Variants in FBXO6 observed in about 807,000 individuals in gnomAD.
The protein encoded by FBXO6 is F-box only protein 6.
Under a neutral mutation model 25.0 loss-of-function variants are expected in FBXO6, and 13 were observed. The ratio of observed to expected loss-of-function variants is 0.52; its 90% CI spans 0.34 to 0.83. FBXO6 has a LOEUF of 0.83. FBXO6 is among the 40% of genes least tolerant of loss of function. The pLI, the probability that FBXO6 is intolerant of heterozygous loss-of-function variation, is 0.02. For missense variants in FBXO6, 370 were observed against 380.2 expected (o/e 0.97, Z 0.22); for synonymous variants, 138 against 155.3 (o/e 0.89, Z 0.83).
Position 11,673,241 on chromosome 1 carries a change from G to A in FBXO6, c.510-36G>A. On this transcript the variant is annotated intron_variant, in intron 4 of 5. Coordinates refer to ENST00000376753, the MANE Select transcript of FBXO6 (RefSeq NM_018438.6). This position sits in a 1 kb window ranked among gnomAD's most constrained non-coding sequence, Gnocchi z 4.3. ...CCCCCACCCCTGGGGCCAGCCCTCG[G>A]TGGCTTGGACACAGGGCTCTCAACC... 6.3e-7 allele frequency: 1 copy of A among 1,590,340 alleles called. No homozygotes were observed. Among genetic ancestry groups the A allele is most frequent in the East Asian group, 2.2e-5 (1 of 44,568 alleles).
In FBXO6 at chr1:11,671,965, G is replaced by A. The variant is rs1287366202; in HGVS notation, c.451G>A (p.Glu151Lys). ...LKSQLVDLVA[E>K]GYWEELLDTF... ...GTCCCAGCTGGTGGACCTTGTAGCCGAGGGCTACTGGGAGGAGCTACTAGA... is the reference window on the plus strand; with the variant it reads ...GTCCCAGCTGGTGGACCTTGTAGCCAAGGGCTACTGGGAGGAGCTACTAGA... The change falls in exon 4 of 6, where the codon GAG (glutamate) becomes AAG (lysine). Residue 151 changes from glutamate to lysine, a missense_variant. Transcript: ENST00000376753. 25 of 1,614,178 alleles carry A rather than the reference G, an allele frequency of 1.5e-5. No individual in the cohort carries two copies. The highest frequency in any genetic ancestry group is 4.0e-5 in the African/African-American group (3 of 75,066).
intron 2 of FBXO6, among the ~76,000 whole-genome samples, chr1:11,670,309 G>T (rs988064027): frequency 1.3e-5 from 2 of 151,844 alleles, no homozygotes; most frequent in East Asian, 1.9e-4. Flanking sequence ...TGTGAAGAGG[G>T]TGATTGCTCC....
intron 2 of FBXO6, among the ~76,000 whole-genome samples, chr1:11,670,914 T>A (rs1199691454): frequency 6.6e-6 from 1 of 152,148 alleles, no homozygotes; most frequent in Non-Finnish European, 1.5e-5. Context: ...AGCTGCGTGT[T>A]AGGAGTGAGG....
chr1:11,671,151 C>G (rs938377877), intron 2 of FBXO6, 115 bp from the exon 3 acceptor site: 3 of 1,349,050 alleles, frequency 2.2e-6, no homozygotes, highest in African/African-American at 2.9e-5. Flanking sequence ...AGTCCTGCCT[C>G]CCAAGAAGGT....
intron 4 of FBXO6, 59 bp downstream of exon 4, chr1:11,672,082 A>C: frequency 6.8e-7 from 1 of 1,464,860 alleles, no homozygotes; most frequent in Non-Finnish European, 9.5e-7. Context: ...ACTGCGCTGC[A>C]TGTACGTGAG....
chr1:11,671,887 G>C (rs1447243415), intron 3 of FBXO6, 41 bp from the exon 4 acceptor site: 1 of 1,528,920 alleles, frequency 6.5e-7, no homozygotes, highest in Non-Finnish European at 9.1e-7. Flanking sequence ...GGGCCATGCA[G>C]AGCACACCCA....
At chr1:11,670,484 C>A (rs892777460) in intron 2 of FBXO6, among the ~76,000 whole-genome samples, 1 of 152,134 alleles carries the variant, frequency 6.6e-6, no homozygotes, top group African/African-American at 2.4e-5. Flanking sequence ...AACCCACAAA[C>A]CCATCCTCTA....
At chr1:11,667,826 C>T (rs1640485191) in intron 1 of FBXO6, among the ~76,000 whole-genome samples, 1 of 152,188 alleles carries the variant, frequency 6.6e-6, no homozygotes, top group African/African-American at 2.4e-5. Context: ...GGTACGGTGG[C>T]TCACGCCTGT....
chr1:11,668,269 TA>T (rs1196503989), intron 1 of FBXO6, among the ~76,000 whole-genome samples: 2 of 152,146 alleles, frequency 1.3e-5, no homozygotes, highest in African/African-American at 2.4e-5. Context: ...AGGGGCCTTT[TA>T]AAAAATGTGT....
In FBXO6 at chr1:11,673,952, G is replaced by C. The variant is rs1000360701; in HGVS notation, c.*101G>C. On this transcript the variant is annotated 3_prime_UTR_variant, in exon 6 of 6. Coordinates refer to ENST00000376753, the MANE Select transcript of FBXO6 (RefSeq NM_018438.6). The surrounding 1 kb of genome is among the most constrained non-coding windows in gnomAD (Gnocchi z 4.3). ...CCCTGTACCAGCGACTCCTGCCCCG[G>C]TTCAACCCTACCAGCTTGTGGTAAC... The C allele has an allele frequency of 1.1e-5, 11 of 978,468 alleles. No homozygotes were observed. The African/African-American group carries it at 1.8e-4, about 16-fold the overall frequency. The allele number at this position is 978,468 out of a possible 1,614,324, so 60.6% of individuals were successfully genotyped here.
Position 11,673,189 on chromosome 1 carries a change from C to T in FBXO6, c.510-88C>T, listed in dbSNP as rs900296543. The T allele has an allele frequency of 2.3e-5, 33 of 1,462,976 alleles. No homozygotes were observed. The highest frequency in any genetic ancestry group is 5.7e-5 in the African/African-American group (4 of 70,788). 90.6% of individuals were successfully genotyped at this position (1,462,976 alleles called of 1,614,324 possible). ...TGTCAGCTGATGGGAGATGAAGCTC[C>T]GAGCTCCAATGTATAGGTCCCACCT... On this transcript the variant is annotated intron_variant, in intron 4 of 5. Transcript: ENST00000376753. The surrounding 1 kb of genome is among the most constrained non-coding windows in gnomAD (Gnocchi z 4.3).
chr1:11,671,233 AG>A, intron 2 of FBXO6, 32 bp from the exon 3 acceptor site: 3 of 1,606,048 alleles, frequency 1.9e-6, no homozygotes, highest in Non-Finnish European at 2.6e-6. Flanking sequence ...GGATTTACAC[AG>A]GGGGTCTCAC....
chr1:11,673,609 C>T lies in FBXO6; in HGVS notation c.646-6C>T, dbSNP rs1167664718. The T allele has an allele frequency of 1.2e-6, 2 of 1,611,964 alleles. No homozygotes were observed. Among genetic ancestry groups the T allele is most frequent in the South Asian group, 2.2e-5 (2 of 91,040 alleles). On this transcript the variant is annotated splice_polypyrimidine_tract_variant and splice_region_variant and intron_variant, in intron 5 of 5. Transcript: ENST00000376753. This position sits in a 1 kb window ranked among gnomAD's most constrained non-coding sequence, Gnocchi z 4.3. ...GTGGTCACTTCCTCTCCCTTCCTCC[C>T]AACAGGTCTCCTACACCTTCTCAGA...
intron 1 of FBXO6, among the ~76,000 whole-genome samples, chr1:11,665,204 C>G (rs1640379807): frequency 7.2e-6 from 1 of 139,174 alleles, no homozygotes; most frequent in Admixed American, 7.4e-5. Context: ...GCCACCAGGC[C>G]TAGCTAATTT....
At chr1:11,672,222 C>T (rs539707287) in intron 4 of FBXO6, among the ~76,000 whole-genome samples, 199 bp downstream of exon 4, 29 of 152,354 alleles carry the variant, frequency 1.9e-4, no homozygotes, top group African/African-American at 7.0e-4. Context: ...ACGTAGTCAA[C>T]AGGACACAGT....
At position 11,671,879 on chromosome 1, in the gene FBXO6, GC is replaced by G. The variant is rs951083919; in HGVS notation, c.414-47del. 6 of 1,423,738 alleles carry G rather than the reference GC, an allele frequency of 4.2e-6. No homozygotes were observed. The African/African-American group carries it at 7.5e-5, about 18-fold the overall frequency. The allele number at this position is 1,423,738 out of a possible 1,614,324, so 88.2% of individuals were successfully genotyped here. A position where few individuals can be genotyped will look rare whatever the true frequency, so the allele number is the denominator to read the frequency against. On this transcript the variant is annotated intron_variant, in intron 3 of 5. Transcript: ENST00000376753. Reference sequence around the variant, plus strand: ...TGCCAAGGCCTGGGTGAGGGGGGGGGCCATGCAGAGCACACCCAGGTATGCA... The same window carrying G: ...TGCCAAGGCCTGGGTGAGGGGGGGGGCATGCAGAGCACACCCAGGTATGCA...
intron 2 of FBXO6, among the ~76,000 whole-genome samples, chr1:11,670,223 A>G (rs1279861143): frequency 1.3e-5 from 2 of 151,636 alleles, no homozygotes; most frequent in African/African-American, 4.8e-5. Context: ...AAAAAAAAAA[A>G]AAAAAGTGCC....
chr1:11,670,129 C>G (rs184016846), intron 2 of FBXO6, among the ~76,000 whole-genome samples: 1 of 150,602 alleles, frequency 6.6e-6, no homozygotes, highest in Admixed American at 6.6e-5. Flanking sequence ...AGGAGAATAG[C>G]GTGAACCTGG....
In FBXO6 at chr1:11,673,546, T is replaced by C; in HGVS notation, c.646-69T>C. 1 of 1,574,180 alleles carries C rather than the reference T, an allele frequency of 6.4e-7. No individual in the cohort carries two copies. The highest frequency in any genetic ancestry group is 8.7e-7 in the Non-Finnish European group (1 of 1,153,650). On this transcript the variant is annotated intron_variant, in intron 5 of 5. Transcript: ENST00000376753. The surrounding 1 kb of genome is among the most constrained non-coding windows in gnomAD (Gnocchi z 4.3). The stretch of plus-strand genomic sequence containing the variant: ...TGCCTTCCAGCCTGGGCAGCTCTCT[T>C]AGAGGACCTGGCTCCTGCCTTCCCC...
Sources: allele counts gnomAD v4.1 joint callset (sites outside exome capture counted in the v4.1 genomes callset), GRCh38; gene constraint gnomAD v4.1.1; non-coding constraint Gnocchi (gnomAD v3.1); transcripts MANE v1.5; gene names NCBI Gene and HGNC (gene_info 2026-07-23, HGNC 2026-07-21).